The following PDE7B variants were observed in gnomAD, a reference collection of about 807,000 sequenced individuals.
The protein encoded by PDE7B is 3',5'-cyclic-AMP phosphodiesterase 7B.
In PDE7B, 29 loss-of-function variants were observed where a neutral mutation model predicts 56.2. That is an observed-to-expected ratio of 0.52 (90% CI 0.38 to 0.70). The LOEUF is 0.70. Among genes scored for constraint, PDE7B ranks in the 30% least tolerant of loss-of-function variants. PDE7B has a pLI of 0.00. For synonymous variants in PDE7B, 197 were observed against 196.9 expected (o/e 1.00, Z 0.00); for missense variants, 490 against 565.0 (o/e 0.87, Z 1.35).
chr6:135,959,226 T>C (rs999966526), intron 2 of PDE7B, among the ~76,000 whole-genome samples: 3 of 152,120 alleles, frequency 2.0e-5, no homozygotes, highest in Admixed American at 1.3e-4. Context: ...TAATAGGATA[T>C]AGAATTCCAT....
At chr6:135,865,144 T>A (rs1379623372) in intron 1 of PDE7B, among the ~76,000 whole-genome samples, 1 of 152,048 alleles carries the variant, frequency 6.6e-6, no homozygotes, top group Non-Finnish European at 1.5e-5. Context: ...AAATGATGAG[T>A]TCATGTCCTT....
chr6:136,017,391 T>C (rs1003579754), intron 2 of PDE7B, among the ~76,000 whole-genome samples: 1 of 152,146 alleles, frequency 6.6e-6, no homozygotes, highest in Non-Finnish European at 1.5e-5. Flanking sequence ...GTGCACAACG[T>C]GCAGGTTTGT....
intron 2 of PDE7B, among the ~76,000 whole-genome samples, chr6:136,063,748 C>T (rs1562483845): frequency 6.6e-6 from 1 of 152,196 alleles, no homozygotes; most frequent in African/African-American, 2.4e-5. Context: ...TTCACTGTTA[C>T]TTCTGCCTCT....
At chr6:135,947,406 T>G (rs1676978721) in intron 1 of PDE7B, 58 bp from the exon 2 acceptor site, 26 of 1,294,902 alleles carry the variant, frequency 2.0e-5, no homozygotes, top group Non-Finnish European at 2.7e-5. Context: ...ATGGATATAT[T>G]GTCTTGGGAA....
At chr6:136,132,106 A>G (rs1463720657) in intron 3 of PDE7B, among the ~76,000 whole-genome samples, 1 of 152,090 alleles carries the variant, frequency 6.6e-6, no homozygotes, top group Non-Finnish European at 1.5e-5. Flanking sequence ...AGTCTTGTTA[A>G]CTGTAAGTAC....
chr6:135,940,769 G>C (rs1380880611), intron 1 of PDE7B, among the ~76,000 whole-genome samples: 1 of 152,126 alleles, frequency 6.6e-6, no homozygotes, highest in East Asian at 1.9e-4. Context: ...CTGCATCTAT[G>C]GCAGTGCTTA....
At position 136,193,380 on chromosome 6, in the gene PDE7B, A is replaced by T. The variant is rs1399015119; in HGVS notation, c.*1540A>T. On this transcript the variant is annotated 3_prime_UTR_variant, in exon 13 of 13. Coordinates refer to ENST00000308191, the MANE Select transcript of PDE7B (RefSeq NM_018945.4). ...AAGTTCATATTATTTAAGTAAAGAA[A>T]ATATTTCAGTTTTATAACAGACTTT... 2 of 152,636 alleles carry T rather than the reference A, an allele frequency of 1.3e-5. No homozygotes were observed. Among genetic ancestry groups the T allele is most frequent in the African/African-American group, 4.8e-5 (2 of 41,434 alleles). 9.5% of individuals were successfully genotyped at this position (152,636 alleles called of 1,614,324 possible).
chr6:135,963,952 G>GGACA (rs1774949051), intron 2 of PDE7B, among the ~76,000 whole-genome samples: 1 of 152,112 alleles, frequency 6.6e-6, no homozygotes, highest in African/African-American at 2.4e-5. Flanking sequence ...GGTTGTTCAG[G>GGACA]GACAGCATCC....
intron 1 of PDE7B, among the ~76,000 whole-genome samples, chr6:135,939,919 C>T (rs1382694460): frequency 1.3e-5 from 2 of 152,068 alleles, no homozygotes; most frequent in Non-Finnish European, 2.9e-5. Context: ...ACATCTGGAG[C>T]CAATTAAGAG....
chr6:136,186,955 C>A, intron 11 of PDE7B, 81 bp from the exon 12 acceptor site: 1 of 788,704 alleles, frequency 1.3e-6, no homozygotes, highest in South Asian at 1.5e-5. Context: ...CTTCTTCCGA[C>A]GAGGTCATTA....
chr6:135,960,880 T>A (rs551049776), intron 2 of PDE7B, among the ~76,000 whole-genome samples: 7 of 152,348 alleles, frequency 4.6e-5, no homozygotes, highest in African/African-American at 1.7e-4. Flanking sequence ...ATGAGATTCA[T>A]GCATGCTGTT....
intron 3 of PDE7B, among the ~76,000 whole-genome samples, chr6:136,121,910 G>T (rs1370207138): frequency 6.6e-6 from 1 of 152,218 alleles, no homozygotes; most frequent in Non-Finnish European, 1.5e-5. Context: ...ACGGTAATCA[G>T]AATTGATGTA....
At chr6:136,014,201 A>T (rs1025592669) in intron 2 of PDE7B, among the ~76,000 whole-genome samples, 1 of 152,252 alleles carries the variant, frequency 6.6e-6, no homozygotes, top group Non-Finnish European at 1.5e-5. Context: ...ATTTTAGGAA[A>T]CTTGAAATAT....
At chr6:136,116,209 G>A (rs990525441) in intron 3 of PDE7B, among the ~76,000 whole-genome samples, 1 of 152,218 alleles carries the variant, frequency 6.6e-6, no homozygotes, top group Non-Finnish European at 1.5e-5. Flanking sequence ...ACTGATTAAG[G>A]AGTTGCCTAT....
intron 8 of PDE7B, chr6:136,165,625 GTCC>G (rs1778781204): frequency 6.6e-6 from 1 of 152,264 alleles, no homozygotes; most frequent in South Asian, 2.1e-4. Flanking sequence ...TAGGGCACTT[GTCC>G]TCCTCACCCA....
intron 2 of PDE7B, chr6:136,037,713 G>A: frequency 2.0e-6 from 2 of 985,454 alleles, no homozygotes; most frequent in Non-Finnish European, 2.4e-6. Flanking sequence ...AGCAAGGGGG[G>A]AGCCCCTCTG....
chr6:135,986,690 C>A (rs1775382273), intron 2 of PDE7B, among the ~76,000 whole-genome samples: 1 of 152,176 alleles, frequency 6.6e-6, no homozygotes, highest in South Asian at 2.1e-4. Flanking sequence ...CATACGTTTT[C>A]TGAATCTCCT....
intron 2 of PDE7B, among the ~76,000 whole-genome samples, chr6:136,074,322 A>G (rs1777097392): frequency 6.6e-6 from 1 of 151,996 alleles, no homozygotes; most frequent in African/African-American, 2.4e-5. Context: ...GTAAGGGTAT[A>G]TATTTATGGG....
At chr6:136,104,358 T>G (rs1347065656) in intron 2 of PDE7B, among the ~76,000 whole-genome samples, 1 of 152,096 alleles carries the variant, frequency 6.6e-6, no homozygotes. Flanking sequence ...AAGGACTCAA[T>G]GAATAGTCAA....
Sources: allele counts gnomAD v4.1 joint callset (sites outside exome capture counted in the v4.1 genomes callset), GRCh38; gene constraint gnomAD v4.1.1; transcripts MANE v1.5; gene names NCBI Gene and HGNC (gene_info 2026-07-23, HGNC 2026-07-21).